PLOD2: variants seen among roughly 807,000 people sequenced by gnomAD.
The protein encoded by PLOD2 is lysine hydroxylase 2.
In PLOD2, 65 loss-of-function variants were observed where a neutral mutation model predicts 101.0. That is an observed-to-expected ratio of 0.64 (90% confidence interval 0.53 to 0.79). The LOEUF (loss-of-function observed/expected upper bound fraction) is 0.79, where lower values mean the gene tolerates loss of function less well. Ranked by LOEUF, PLOD2 falls within the 30% of genes least tolerant of loss-of-function variation. The pLI, the probability that PLOD2 is intolerant of heterozygous loss-of-function variation, is 0.00. For missense variants in PLOD2, 909 were observed against 914.6 expected, an observed-to-expected ratio of 0.99 and a Z score of 0.08; for synonymous variants, 314 against 302.9, an observed-to-expected ratio of 1.04 and a Z score of -0.38.
intron 1 of PLOD2, among the ~76,000 whole-genome samples, chr3:146,136,105 G>A (rs1225990065): frequency 6.6e-6 from 1 of 151,846 alleles, no homozygotes; most frequent in East Asian, 1.9e-4. Flanking sequence ...TTTAAAATCG[G>A]CCATTAATTC....
chr3:146,132,769 A>T (rs1023835044), intron 1 of PLOD2, among the ~76,000 whole-genome samples: 20 of 152,242 alleles, frequency 1.3e-4, no homozygotes, highest in African/African-American at 4.8e-4. Flanking sequence ...TCAAAATGCT[A>T]TGAAAGCTTC....
chr3:146,088,620 G>A lies in PLOD2; in HGVS notation c.971C>T (p.Pro324Leu), dbSNP rs142554555. 52 of 1,590,168 alleles carry A rather than the reference G, an allele frequency of 3.3e-5. No individual in the cohort carries two copies. Among genetic ancestry groups the A allele is most frequent in the Non-Finnish European group, 3.6e-5 (42 of 1,159,108 alleles). Residue 324 changes from proline (P) to leucine (L), a missense_variant, in exon 9 of 20, where the codon CCA (proline) becomes CTA (leucine). Coordinates refer to ENST00000282903, the MANE Select transcript of PLOD2 (RefSeq NM_182943.3). ...FLDILLTLDY[P>L]KEALKLFIHN... ...AATAAAAAGTTTAAGTGCTTCTTTT[G>A]GGTAATCCAGTGTCAACAATATGTC...
chr3:146,132,458 G>A lies in PLOD2; in HGVS notation c.110-8229C>T, dbSNP rs1463364282. On this transcript the variant is annotated intron_variant, in intron 1 of 19. Transcript: ENST00000282903. ...GTAGAAGGATAGATCAAGACTTCCA[G>A]AGATAATAGATATGTGAAAGACCAA... 3.9e-5 allele frequency among the ~76,000 whole-genome samples: 6 copies of A among 152,142 alleles called. No homozygotes were observed. In the South Asian group the frequency reaches 1.0e-3, roughly 26 times the overall value.
At chr3:146,073,797 G>A (rs140104889) in intron 15 of PLOD2, 4 of 151,642 alleles carry the variant, frequency 2.6e-5, no homozygotes, top group Non-Finnish European at 5.9e-5. Context: ...GTAAATAAAG[G>A]TGTGCTTAAA....
At chr3:146,086,012 G>A (rs559468266) in intron 10 of PLOD2, 3 of 152,248 alleles carry the variant, frequency 2.0e-5, no homozygotes, top group African/African-American at 7.2e-5. Flanking sequence ...TCTGAATGTG[G>A]ACCCAGAGGA....
At chr3:146,114,000 T>C (rs562910722) in intron 3 of PLOD2, among the ~76,000 whole-genome samples, 1 of 152,298 alleles carries the variant, frequency 6.6e-6, no homozygotes, top group Non-Finnish European at 1.5e-5. Flanking sequence ...TAGGAATGTC[T>C]GTCTTACACG....
At chr3:146,158,842 G>GC (rs2032427428) in intron 1 of PLOD2, among the ~76,000 whole-genome samples, 1 of 152,152 alleles carries the variant, frequency 6.6e-6, no homozygotes, top group Non-Finnish European at 1.5e-5. Context: ...TTCTTGGTTA[G>GC]CTGGGACATG....
chr3:146,122,724 T>C (rs1296048808), intron 2 of PLOD2, among the ~76,000 whole-genome samples: 3 of 152,146 alleles, frequency 2.0e-5, no homozygotes, highest in Non-Finnish European at 2.9e-5. Context: ...CAAGATCTGA[T>C]ATTATACTTT....
intron 11 of PLOD2, among the ~76,000 whole-genome samples, chr3:146,084,211 T>C (rs1044578190): frequency 7.2e-5 from 11 of 152,112 alleles, no homozygotes; most frequent in Non-Finnish European, 1.0e-4. Context: ...CTCATTCATA[T>C]GCTTTGGAAA....
At chr3:146,100,918 G>A (rs917664699) in intron 7 of PLOD2, among the ~76,000 whole-genome samples, 6 of 152,312 alleles carry the variant, frequency 3.9e-5, no homozygotes, top group African/African-American at 1.2e-4. Context: ...TGCTGGGGGT[G>A]TGATTGCTAC....
intron 13 of PLOD2, 42 bp downstream of exon 13, chr3:146,079,074 T>G (rs765868656): frequency 1.3e-6 from 2 of 1,598,564 alleles, no homozygotes; most frequent in Non-Finnish European, 1.7e-6. Flanking sequence ...AAGCAAGCCA[T>G]CTTATAAGAA....
intron 9 of PLOD2, among the ~76,000 whole-genome samples, chr3:146,087,302 T>G (rs542671051): frequency 6.6e-5 from 10 of 151,860 alleles, no homozygotes; most frequent in Admixed American, 6.6e-4. Context: ...TTGTGAAATA[T>G]CTAGAAAAAA....
At chr3:146,105,204 A>G (rs1408435653) in intron 5 of PLOD2, 1 of 152,218 alleles carries the variant, frequency 6.6e-6, no homozygotes, top group Non-Finnish European at 1.5e-5. Context: ...TCTTATTTAG[A>G]CCACTGCTAT....
chr3:146,107,598 C>CATTTTTT (rs1272380810), intron 4 of PLOD2, among the ~76,000 whole-genome samples: 1 of 145,596 alleles, frequency 6.9e-6, no homozygotes, highest in East Asian at 2.0e-4. Context: ...AATGGTTGCT[C>CATTTTTT]ATTTTTTGGT....
chr3:146,127,211 G>A (rs369189352), intron 1 of PLOD2, among the ~76,000 whole-genome samples: 5 of 152,168 alleles, frequency 3.3e-5, no homozygotes, highest in Non-Finnish European at 5.9e-5. Context: ...ATACAGGAGC[G>A]TGTTTGTTAC....
chr3:146,123,285 C>A, intron 2 of PLOD2: 1 of 1,171,886 alleles, frequency 8.5e-7, no homozygotes, highest in Non-Finnish European at 1.1e-6. Context: ...CCTTGTTCTC[C>A]TCTTATTTGT....
chr3:146,158,340 C>T (rs1208807145), intron 1 of PLOD2, among the ~76,000 whole-genome samples: 1 of 152,112 alleles, frequency 6.6e-6, no homozygotes, highest in Non-Finnish European at 1.5e-5. Context: ...TTTAGTCTTT[C>T]CATGCTAAGA....
intron 3 of PLOD2, among the ~76,000 whole-genome samples, chr3:146,116,147 T>C (rs941441916): frequency 6.6e-6 from 1 of 152,090 alleles, no homozygotes; most frequent in Non-Finnish European, 1.5e-5. Flanking sequence ...TATCTTCACC[T>C]GAAGCATATG....
At chr3:146,142,903 A>T (rs1306054730) in intron 1 of PLOD2, among the ~76,000 whole-genome samples, 2 of 152,118 alleles carry the variant, frequency 1.3e-5, no homozygotes, top group African/African-American at 4.8e-5. Flanking sequence ...AGCAGCACTG[A>T]TCTTACAGTC....
Sources: allele counts gnomAD v4.1 joint callset (sites outside exome capture counted in the v4.1 genomes callset), GRCh38; gene constraint gnomAD v4.1.1; transcripts MANE v1.5; gene names NCBI Gene and HGNC (gene_info 2026-07-23, HGNC 2026-07-21).